Variants in DYNC2H1 observed in about 807,000 individuals in gnomAD.
The protein encoded by DYNC2H1 is dynein cytoplasmic 2 heavy chain 1, also known as cytoplasmic dynein 2 heavy chain 1.
In DYNC2H1, 410 loss-of-function variants were observed where a neutral mutation model predicts 570.0. The observed-to-expected ratio is 0.72, with a 90% confidence interval of 0.66 to 0.78. DYNC2H1 has a LOEUF of 0.78. DYNC2H1 is among the 30% of genes least tolerant of loss of function. The pLI, the probability that DYNC2H1 is intolerant of heterozygous loss-of-function variation, is 0.00. For synonymous variants in DYNC2H1, 1,688 were observed against 1,677.6 expected, an observed-to-expected ratio of 1.01 and a Z score of -0.15; for missense variants, 4,865 against 5,046.4, an observed-to-expected ratio of 0.96 and a Z score of 1.09.
Position 103,253,361 on chromosome 11 carries a change from A to C in DYNC2H1, c.10119A>C (p.Arg3373Ser). ...AATTCCGCCTCTTTTTGTCAACAAG[A>C]AACCCAAATCCTTTTATTCCACCGG... is the stretch of plus-strand genomic sequence containing the variant. Reference protein sequence around the residue: ...NEEFRLFLSTRNPNPFIPPDA... With the variant: ...NEEFRLFLSTSNPNPFIPPDA... Residue 3373 changes from arginine to serine, a missense_variant, in exon 66 of 89, where the codon AGA (arginine) becomes AGC (serine). Arg to Ser is a moderately radical substitution (Grantham distance 110). This residue lies in a region of DYNC2H1 where 2,401 missense variants were observed against 2,454.6 expected (regional missense o/e 0.98). Coordinates refer to ENST00000375735, the MANE Select transcript of DYNC2H1 (RefSeq NM_001377.3). 1.2e-6 allele frequency: 2 copies of C among 1,613,528 alleles called. No homozygotes were observed. The highest frequency in any genetic ancestry group is 2.7e-5 in the African/African-American group (2 of 75,036).
chr11:103,383,457 T>G lies in DYNC2H1; in HGVS notation c.12157-16206T>G, dbSNP rs1287428733. ...TGATTTGGGTGGTTAGTTTGGTAAT[T>G]CTTTCTCCTTTTAAATCTTTATTTT... is the stretch of plus-strand genomic sequence containing the variant. On this transcript the variant is annotated intron_variant, in intron 83 of 88. Transcript: ENST00000375735. 3.5e-5 allele frequency among the ~76,000 whole-genome samples: 5 copies of G among 144,430 alleles called. No individual in the cohort carries two copies. The East Asian group carries it at 1.0e-3, about 30-fold the overall frequency. The allele number at this position is 144,430 out of a possible 152,430, so 94.8% of individuals were successfully genotyped here. A position where few individuals can be genotyped will look rare whatever the true frequency, so the allele number is the denominator to read the frequency against.
chr11:103,361,463 G>A (rs544078675), intron 83 of DYNC2H1, among the ~76,000 whole-genome samples: 1 of 150,196 alleles, frequency 6.7e-6, no homozygotes, highest in East Asian at 2.0e-4. Context: ...ATGGTGTTTT[G>A]TTATAGCAAC....
rs141899872 is a variant in DYNC2H1, at chr11:103,251,234, T to A, written c.10043-2051T>A. Among the ~76,000 whole-genome samples, 240 of 152,250 alleles carry A rather than the reference T, an allele frequency of 1.6e-3. 2 individuals carry two copies. The highest frequency in any genetic ancestry group is 5.6e-3 in the African/African-American group (233 of 41,570). On this transcript the variant is annotated intron_variant, in intron 65 of 88. Transcript: ENST00000375735. ...TGCATACATTTTTGGAAATGTGACA[T>A]CTTTCTATTCAGTTGTCTTATTTAT...
chr11:103,240,892 C>T (rs1864400909), intron 63 of DYNC2H1, among the ~76,000 whole-genome samples: 1 of 152,176 alleles, frequency 6.6e-6, no homozygotes, highest in East Asian at 1.9e-4. Context: ...CAGACAGACT[C>T]CAGGTTACTC....
At chr11:103,278,321 A>G (rs944232933) in intron 70 of DYNC2H1, among the ~76,000 whole-genome samples, 1 of 152,154 alleles carries the variant, frequency 6.6e-6, no homozygotes, top group Non-Finnish European at 1.5e-5. Flanking sequence ...GATAATAACT[A>G]ATGTTTATTG....
At chr11:103,197,713 G>T (rs1342313287) in intron 47 of DYNC2H1, among the ~76,000 whole-genome samples, 1 of 152,148 alleles carries the variant, frequency 6.6e-6, no homozygotes, top group Non-Finnish European at 1.5e-5. Context: ...CTCCAAAAGT[G>T]CGGGTATTAT....
At chr11:103,398,457 C>T (rs1443104536) in intron 83 of DYNC2H1, among the ~76,000 whole-genome samples, 3 of 152,068 alleles carry the variant, frequency 2.0e-5, no homozygotes, top group African/African-American at 7.2e-5. Context: ...ATAAAATTTA[C>T]TTAATGTTGA....
chr11:103,150,166 A>G (rs1034836789), intron 20 of DYNC2H1, among the ~76,000 whole-genome samples: 1 of 152,230 alleles, frequency 6.6e-6, no homozygotes, highest in African/African-American at 2.4e-5. Flanking sequence ...GCTTTTAGAA[A>G]TTGTAAGAAG....
intron 82 of DYNC2H1, among the ~76,000 whole-genome samples, chr11:103,330,995 T>C (rs1233836989): frequency 6.6e-6 from 1 of 152,158 alleles, no homozygotes; most frequent in Non-Finnish European, 1.5e-5. Flanking sequence ...CTTTTGACAA[T>C]AGAAGCCAGA....
intron 84 of DYNC2H1, chr11:103,404,011 G>T (rs1453079249): frequency 6.6e-6 from 1 of 151,924 alleles, no homozygotes; most frequent in Non-Finnish European, 1.5e-5. Context: ...TATGCTGTTA[G>T]TATGAATTAA....
intron 31 of DYNC2H1, among the ~76,000 whole-genome samples, chr11:103,166,405 A>G (rs896377937): frequency 1.3e-5 from 2 of 152,218 alleles, no homozygotes; most frequent in South Asian, 2.1e-4. Context: ...ATATATACCT[A>G]GATGTTTACC....
chr11:103,169,647 A>C (rs1861488847), intron 32 of DYNC2H1, among the ~76,000 whole-genome samples: 1 of 152,194 alleles, frequency 6.6e-6, no homozygotes, highest in Non-Finnish European at 1.5e-5. Flanking sequence ...AAACTTTGAG[A>C]ATTATTTGAT....
chr11:103,399,610 A>G (rs1181792977), intron 83 of DYNC2H1, 53 bp from the exon 84 acceptor site: 12 of 1,266,852 alleles, frequency 9.5e-6, no homozygotes, highest in East Asian at 2.4e-5. Flanking sequence ...AGCGTTTTAT[A>G]TATCAGTGAT....
At chr11:103,307,650 A>T in intron 77 of DYNC2H1, 71 bp from the exon 78 acceptor site, 1 of 717,016 alleles carries the variant, frequency 1.4e-6, no homozygotes, top group Non-Finnish European at 2.3e-6. Flanking sequence ...AATAGTTACT[A>T]ATAATGTAAT....
chr11:103,447,944 G>C (rs1470573174), intron 85 of DYNC2H1, among the ~76,000 whole-genome samples: 1 of 151,748 alleles, frequency 6.6e-6, no homozygotes, highest in African/African-American at 2.4e-5. Flanking sequence ...TTTTTTTTAT[G>C]TTATTTGCAA....
chr11:103,152,410 CCTGA>C (rs1001491098), intron 21 of DYNC2H1, 125 bp downstream of exon 21: 3 of 832,342 alleles, frequency 3.6e-6, no homozygotes, highest in African/African-American at 3.6e-5. Context: ...AATTGACCTC[CCTGA>C]CTACTTTTAT....
intron 78 of DYNC2H1, among the ~76,000 whole-genome samples, chr11:103,310,699 G>GTTTT (rs1867545678): frequency 3.1e-5 from 1 of 32,096 alleles, no homozygotes; most frequent in Non-Finnish European, 6.0e-5. Flanking sequence ...TTTTTTTTTT[G>GTTTT]GGAGACTGAG....
intron 20 of DYNC2H1, among the ~76,000 whole-genome samples, 173 bp downstream of exon 20, chr11:103,148,790 G>T (rs1345479504): frequency 6.6e-6 from 1 of 152,106 alleles, no homozygotes; most frequent in African/African-American, 2.4e-5. Context: ...TGGGCCTGGT[G>T]GCTCACGCCT....
intron 75 of DYNC2H1, 90 bp downstream of exon 75, chr11:103,287,695 A>T: frequency 1.0e-6 from 1 of 974,582 alleles, no homozygotes; most frequent in South Asian, 1.8e-5. Flanking sequence ...TGAGTTTAGA[A>T]ATGTTATAAT....
Sources: allele counts gnomAD v4.1 joint callset (sites outside exome capture counted in the v4.1 genomes callset), GRCh38; gene constraint gnomAD v4.1.1; regional missense constraint gnomAD v4.1.1; transcripts MANE v1.5; gene names NCBI Gene and HGNC (gene_info 2026-07-23, HGNC 2026-07-21).